Variants in PRRC1 observed in about 807,000 individuals in gnomAD.
The protein encoded by PRRC1 is proline rich coiled-coil 1.
In PRRC1, 39 loss-of-function variants were observed where a neutral mutation model predicts 40.7. The observed-to-expected ratio is 0.96, with a 90% confidence interval of 0.74 to 1.25. The LOEUF is 1.25. PRRC1 is among the 50% of genes most tolerant of loss of function. PRRC1 has a pLI of 0.00. For missense variants in PRRC1, 573 were observed against 548.3 expected, an observed-to-expected ratio of 1.05 and a Z score of -0.45; for synonymous variants, 175 against 193.3, an observed-to-expected ratio of 0.91 and a Z score of 0.79.
chr5:127,530,029 G>C (rs1009368765), intron 4 of PRRC1, among the ~76,000 whole-genome samples: 1 of 151,936 alleles, frequency 6.6e-6, no homozygotes, highest in Non-Finnish European at 1.5e-5. Context: ...TGTATATATA[G>C]TATAGCATCC....
intron 7 of PRRC1, among the ~76,000 whole-genome samples, chr5:127,544,970 C>T (rs917154444): frequency 2.6e-4 from 40 of 152,232 alleles, no homozygotes; most frequent in Middle Eastern, 3.2e-3. Context: ...CCGTCTTCTG[C>T]GTCGCTCACG....
intron 8 of PRRC1, chr5:127,548,343 A>G (rs916169527): frequency 5.6e-5 from 17 of 304,774 alleles, no homozygotes; most frequent in African/African-American, 3.5e-4. Context: ...AATCAACATT[A>G]GAAACCTTAT....
chr5:127,523,382 T>A, intron 1 of PRRC1, 78 bp from the exon 2 acceptor site: 1 of 589,286 alleles, frequency 1.7e-6, no homozygotes, highest in Non-Finnish European at 2.8e-6. Flanking sequence ...ATTTTTTTTT[T>A]AGTCGTTCTC....
In PRRC1 at chr5:127,551,972, G is replaced by A; in HGVS notation, c.*56G>A. On this transcript the variant is annotated 3_prime_UTR_variant, in exon 9 of 9. Transcript: ENST00000296666. ...CCCCCACTTTTAGCTTGATGTTAAA[G>A]AAGTGGTTGTACCTTCCTAAATCGA... is the stretch of plus-strand genomic sequence containing the variant. 6.2e-7 allele frequency: 1 copy of A among 1,608,238 alleles called. No homozygotes were observed. The highest frequency in any genetic ancestry group is 2.2e-5 in the East Asian group (1 of 44,774).
In PRRC1 at chr5:127,526,613, A is replaced by G. The variant is rs1287997900; in HGVS notation, c.494-5A>G. The G allele has an allele frequency of 1.3e-6, 2 of 1,598,506 alleles. No individual in the cohort carries two copies. The highest frequency in any genetic ancestry group is 1.7e-6 in the Non-Finnish European group (2 of 1,174,180). ...ATACATATGAAAATTTTTGCCATTG[A>G]TTAGGTCTTTTGCCAACTCCTATTA... is the stretch of plus-strand genomic sequence containing the variant. On this transcript the variant is annotated splice_region_variant and splice_polypyrimidine_tract_variant and intron_variant, in intron 3 of 8. Transcript: ENST00000296666.
At chr5:127,519,286 T>C (rs1489763047) in intron 1 of PRRC1, among the ~76,000 whole-genome samples, 1 of 152,200 alleles carries the variant, frequency 6.6e-6, no homozygotes, top group East Asian at 1.9e-4. Context: ...GTATAGGTAC[T>C]GAATGAAAGG....
At chr5:127,528,125 A>C (rs938638793) in intron 4 of PRRC1, among the ~76,000 whole-genome samples, 1 of 151,996 alleles carries the variant, frequency 6.6e-6, no homozygotes, top group African/African-American at 2.4e-5. Flanking sequence ...TTAAATTGGG[A>C]TGATTTTCTT....
At chr5:127,532,328 C>T (rs895231290) in intron 5 of PRRC1, among the ~76,000 whole-genome samples, 26 of 152,178 alleles carry the variant, frequency 1.7e-4, no homozygotes, top group African/African-American at 6.0e-4. Flanking sequence ...AGGATGATCT[C>T]GATCTCTTGA....
In PRRC1 at chr5:127,517,708, T is replaced by C. The variant is rs1170650255; in HGVS notation, c.-89T>C. 6.6e-6 allele frequency: 1 copy of C among 152,136 alleles called. No individual in the cohort carries two copies. Among genetic ancestry groups the C allele is most frequent in the Non-Finnish European group, 1.5e-5 (1 of 68,044 alleles). 9.4% of individuals were successfully genotyped at this position (152,136 alleles called of 1,614,324 possible). ...CTTCGTTGTCTTCTCCAAGCTGTAG[T>C]TCTACGTCCCGACCTCCCTATCATA... is the stretch of plus-strand genomic sequence containing the variant. On this transcript the variant is annotated 5_prime_UTR_variant, in exon 1 of 9. Coordinates refer to ENST00000296666, the MANE Select transcript of PRRC1 (RefSeq NM_130809.5).
chr5:127,554,826 A>T lies in PRRC1; in HGVS notation c.*2910A>T, dbSNP rs931527362. 4 of 152,606 alleles carry T rather than the reference A, an allele frequency of 2.6e-5. No homozygotes were observed. The highest frequency in any genetic ancestry group is 9.7e-5 in the African/African-American group (4 of 41,442). The allele number at this position is 152,606 out of a possible 1,614,324, so 9.5% of individuals were successfully genotyped here. ...GTTAGTAATTACTCAGGGTTAACTAAATTACTTTAATATGCTGTTGAATCT... is the reference window on the plus strand; with the variant it reads ...GTTAGTAATTACTCAGGGTTAACTATATTACTTTAATATGCTGTTGAATCT... On this transcript the variant is annotated 3_prime_UTR_variant, in exon 9 of 9. Transcript: ENST00000296666.
intron 7 of PRRC1, among the ~76,000 whole-genome samples, chr5:127,545,330 A>C (rs1474155316): frequency 1.3e-5 from 2 of 152,082 alleles, no homozygotes; most frequent in East Asian, 1.9e-4. Flanking sequence ...ATAAAGACAC[A>C]TGCACACATA....
At chr5:127,527,381 T>C (rs1767645562) in intron 4 of PRRC1, among the ~76,000 whole-genome samples, 1 of 152,106 alleles carries the variant, frequency 6.6e-6, no homozygotes, top group South Asian at 2.1e-4. Flanking sequence ...ATTTCAAGAA[T>C]ATAATACATT....
chr5:127,547,750 T>C, intron 7 of PRRC1, 69 bp from the exon 8 acceptor site: 1 of 1,050,752 alleles, frequency 9.5e-7, no homozygotes, highest in Admixed American at 2.2e-5. Context: ...ACTTGTTTTT[T>C]CTTTTTGTCT....
intron 7 of PRRC1, among the ~76,000 whole-genome samples, chr5:127,546,969 T>C (rs996841860): frequency 1.3e-5 from 2 of 152,170 alleles, no homozygotes; most frequent in South Asian, 4.1e-4. Context: ...TCAGCAAAGT[T>C]ATTTATGTTA....
In PRRC1 at chr5:127,533,804, A is replaced by T. The variant is rs1403285609; in HGVS notation, c.921+18A>T. On this transcript the variant is annotated intron_variant, in intron 6 of 8. Transcript: ENST00000296666. ...GATTAAAAGTGAGTAACAGAACACC[A>T]TTTTCAGGACATGGAAACTGGCATT... 5.0e-6 allele frequency: 8 copies of T among 1,613,188 alleles called. No homozygotes were observed. The highest frequency in any genetic ancestry group is 1.3e-5 in the African/African-American group (1 of 74,888).
Position 127,553,372 on chromosome 5 carries a change from G to A in PRRC1, c.*1456G>A, listed in dbSNP as rs563455077. On this transcript the variant is annotated 3_prime_UTR_variant, in exon 9 of 9. Transcript: ENST00000296666. ...ACTTTCCAAGCACTGTATAATGACT[G>A]TTCAGTGAATATCAGACTTCCGTGT... The A allele has an allele frequency of 3.0e-6, 3 of 1,015,194 alleles. No individual in the cohort carries two copies. The highest frequency in any genetic ancestry group is 4.1e-5 in the South Asian group (1 of 24,580). 62.9% of individuals were successfully genotyped at this position (1,015,194 alleles called of 1,614,324 possible). A position where few individuals can be genotyped will look rare whatever the true frequency, so the allele number is the denominator to read the frequency against.
At chr5:127,520,011 C>T (rs777383690) in intron 1 of PRRC1, among the ~76,000 whole-genome samples, 3 of 152,198 alleles carry the variant, frequency 2.0e-5, no homozygotes, top group Non-Finnish European at 2.9e-5. Context: ...GCCACCTAAT[C>T]TTGTCTTGAA....
intron 7 of PRRC1, among the ~76,000 whole-genome samples, chr5:127,543,286 C>G (rs1768107307): frequency 6.6e-6 from 1 of 152,132 alleles, no homozygotes; most frequent in African/African-American, 2.4e-5. Context: ...CCCGACCTTT[C>G]TCTCTGGCTG....
chr5:127,531,488 A>G (rs1767767904), intron 5 of PRRC1, among the ~76,000 whole-genome samples: 1 of 152,212 alleles, frequency 6.6e-6, no homozygotes, highest in East Asian at 1.9e-4. Flanking sequence ...TGAAGGAAAA[A>G]AAGGAATTAA....
Sources: gnomAD v4.1 joint callset for allele counts (sites outside exome capture counted in the v4.1 genomes callset) on GRCh38, gnomAD v4.1.1 for gene constraint, MANE v1.5 for transcripts, NCBI Gene and HGNC (gene_info 2026-07-23, HGNC 2026-07-21) for gene names.